Variants in SAMMSON observed in about 807,000 individuals in gnomAD.
SAMMSON encodes long intergenic non-protein coding RNA 1212.
intron 7 of SAMMSON, among the ~76,000 whole-genome samples, chr3:70,346,247 A>C (rs560626759): frequency 2.0e-5 from 3 of 149,580 alleles, no homozygotes; most frequent in African/African-American, 7.3e-5. Context: ...GCATCTTTTC[A>C]TATGTTTATT....
chr3:70,228,593 G>A lies in SAMMSON; in HGVS notation n.508-20514G>A, dbSNP rs148832243. On this transcript the variant is annotated intron_variant and non_coding_transcript_variant, in intron 4 of 9. Coordinates refer to ENST00000642114, the Ensembl canonical transcript of SAMMSON. The stretch of plus-strand genomic sequence containing the variant: ...AATGAAAGGAAAATATTTCAGAGTC[G>A]ACTTACTGGAACCTGATGAAACATT... 3.8e-3 allele frequency among the ~76,000 whole-genome samples: 563 copies of A among 149,762 alleles called. 3 individuals carry two copies. The highest frequency in any genetic ancestry group is 0.013 in the African/African-American group (531 of 40,976).
intron 4 of SAMMSON, among the ~76,000 whole-genome samples, chr3:70,163,354 T>TATAG (rs570562417): frequency 5.5e-4 from 81 of 148,014 alleles, no homozygotes; most frequent in Middle Eastern, 3.6e-3. Context: ...TATATATATA[T>TATAG]AGAGAGAGAG....
intron 4 of SAMMSON, among the ~76,000 whole-genome samples, chr3:70,087,863 G>A (rs558635836): frequency 7.9e-5 from 12 of 152,232 alleles, no homozygotes; most frequent in Admixed American, 4.6e-4. Flanking sequence ...AAATAAATAA[G>A]CATACTAATT....
chr3:70,002,561 G>A (rs2066910162), intron 1 of SAMMSON, among the ~76,000 whole-genome samples: 1 of 152,010 alleles, frequency 6.6e-6, no homozygotes, highest in Admixed American at 6.5e-5. Flanking sequence ...CTTACATCCA[G>A]TTTTATAGTT....
chr3:70,131,801 C>A (rs2067483993), intron 4 of SAMMSON, among the ~76,000 whole-genome samples: 1 of 152,020 alleles, frequency 6.6e-6, no homozygotes, highest in Non-Finnish European at 1.5e-5. Flanking sequence ...TCGTCTAGAA[C>A]TCCTGATCCC....
At chr3:70,261,156 T>C (rs1701861788) in intron 6 of SAMMSON, among the ~76,000 whole-genome samples, 1 of 152,200 alleles carries the variant, frequency 6.6e-6, no homozygotes, top group African/African-American at 2.4e-5. Flanking sequence ...TGTATTTCAG[T>C]TTGGTTCCCT....
intron 4 of SAMMSON, among the ~76,000 whole-genome samples, chr3:70,119,176 C>T (rs2067423070): frequency 6.6e-6 from 1 of 152,132 alleles, no homozygotes; most frequent in Admixed American, 6.5e-5. Flanking sequence ...AAGCAATTCT[C>T]CTACCTCAGC....
chr3:70,007,033 C>A (rs1192910713), intron 1 of SAMMSON, among the ~76,000 whole-genome samples: 3 of 151,992 alleles, frequency 2.0e-5, no homozygotes, highest in Non-Finnish European at 2.9e-5. Context: ...ACATTTTCTT[C>A]ATCCAGTCTA....
At chr3:70,313,148 C>G (rs1277299369) in intron 7 of SAMMSON, among the ~76,000 whole-genome samples, 1 of 151,962 alleles carries the variant, frequency 6.6e-6, no homozygotes. Flanking sequence ...GATGATATGT[C>G]ATTAAATTCT....
intron 4 of SAMMSON, among the ~76,000 whole-genome samples, chr3:70,240,969 G>A (rs1387271087): frequency 1.3e-5 from 2 of 152,102 alleles, no homozygotes; most frequent in Non-Finnish European, 1.5e-5. Flanking sequence ...TAGCTTACTA[G>A]CTCATCTTGG....
At chr3:70,209,888 G>A (rs1701326267) in intron 4 of SAMMSON, among the ~76,000 whole-genome samples, 2 of 152,008 alleles carry the variant, frequency 1.3e-5, no homozygotes, top group Admixed American at 6.6e-5. Context: ...CACACTCAGG[G>A]AATCCTTCTT....
intron 4 of SAMMSON, among the ~76,000 whole-genome samples, chr3:70,083,968 A>G (rs1457307278): frequency 6.6e-6 from 1 of 152,200 alleles, no homozygotes. Context: ...TAGCACTTAC[A>G]TAGCTATGAT....
At chr3:70,273,077 G>T (rs546857264) in intron 6 of SAMMSON, among the ~76,000 whole-genome samples, 1 of 152,280 alleles carries the variant, frequency 6.6e-6, no homozygotes, top group South Asian at 2.1e-4. Context: ...AGTTCAGCCA[G>T]TGACCCAAGT....
intron 4 of SAMMSON, among the ~76,000 whole-genome samples, chr3:70,177,972 C>G (rs1701019947): frequency 6.6e-6 from 1 of 152,156 alleles, no homozygotes; most frequent in African/African-American, 2.4e-5. Flanking sequence ...TCTATATGTA[C>G]TTGCTGGGAA....
At chr3:70,377,252 A>T (rs1244460893) in intron 9 of SAMMSON, among the ~76,000 whole-genome samples, 1 of 152,190 alleles carries the variant, frequency 6.6e-6, no homozygotes, top group African/African-American at 2.4e-5. Context: ...CTAGAAATTA[A>T]GATCGGCTAT....
intron 2 of SAMMSON, among the ~76,000 whole-genome samples, chr3:70,423,019 T>G (rs374333653): frequency 5.3e-5 from 8 of 151,980 alleles, no homozygotes; most frequent in East Asian, 3.9e-4. Flanking sequence ...TAAAAAACAT[T>G]AGGGGCAGGG....
At chr3:70,062,322 C>T (rs2067193616) in intron 3 of SAMMSON, among the ~76,000 whole-genome samples, 1 of 152,094 alleles carries the variant, frequency 6.6e-6, no homozygotes, top group Non-Finnish European at 1.5e-5. Flanking sequence ...CACCACCTGA[C>T]ATTATATTAA....
chr3:70,307,586 T>C (rs1702414101), intron 7 of SAMMSON, among the ~76,000 whole-genome samples: 2 of 152,278 alleles, frequency 1.3e-5, no homozygotes, highest in South Asian at 2.1e-4. Flanking sequence ...CTCTTTGATA[T>C]GGCTTTCATT....
At chr3:70,396,214 GT>G (rs753177813) in intron 2 of SAMMSON, among the ~76,000 whole-genome samples, 24 of 152,128 alleles carry the variant, frequency 1.6e-4, no homozygotes, top group Non-Finnish European at 2.5e-4. Context: ...CTGAATTATA[GT>G]TTGTTAGAAG....
Sources: allele counts gnomAD v4.1 joint callset (sites outside exome capture counted in the v4.1 genomes callset), GRCh38; gene constraint gnomAD v4.1.1; transcripts MANE v1.5; gene names NCBI Gene and HGNC (gene_info 2026-07-23, HGNC 2026-07-21).